The following SCAPER variants were observed in gnomAD, a reference collection of about 807,000 sequenced individuals.
SCAPER encodes S-phase cyclin A associated protein in the ER, also known as S phase cyclin A-associated protein in the endoplasmic reticulum.
Under a neutral mutation model 182.2 loss-of-function variants are expected in SCAPER, and 98 were observed. The observed-to-expected ratio is 0.54, with a 90% confidence interval of 0.46 to 0.64. The LOEUF (loss-of-function observed/expected upper bound fraction) is 0.64, where lower values mean the gene tolerates loss of function less well. SCAPER is among the 30% of genes least tolerant of loss of function. SCAPER has a pLI of 0.00. For missense variants in SCAPER, 1,432 were observed against 1,690.0 expected (o/e 0.85, Z 2.68); for synonymous variants, 605 against 564.6 (o/e 1.07, Z -1.01).
At chr15:76,360,843 T>C (rs1405179506) in intron 29 of SCAPER, among the ~76,000 whole-genome samples, 7 of 152,192 alleles carry the variant, frequency 4.6e-5, no homozygotes, top group African/African-American at 1.4e-4. Context: ...GAGTGAACTG[T>C]TGGAACACAT....
intron 21 of SCAPER, among the ~76,000 whole-genome samples, chr15:76,652,420 G>C (rs1330246622): frequency 4.0e-5 from 4 of 101,198 alleles, no homozygotes; most frequent in African/African-American, 1.6e-4. Flanking sequence ...GGAAGGCTGA[G>C]GCAGGTGGAT....
chr15:76,791,518 C>T lies in SCAPER; in HGVS notation c.772+3762G>A, dbSNP rs181894300. Among the ~76,000 whole-genome samples the T allele has an allele frequency of 1.1e-3, 160 of 152,008 alleles. 3 individuals are homozygous for T. The highest frequency in any genetic ancestry group is 3.8e-3 in the African/African-American group (157 of 41,456). ...AACCAGCATTCCCAGCCAACTGAAA[C>T]AGATATTAGAATTCAGAGAATCTAA... is the stretch of plus-strand genomic sequence containing the variant. On this transcript the variant is annotated intron_variant, in intron 8 of 31. Coordinates refer to ENST00000563290, the MANE Select transcript of SCAPER (RefSeq NM_020843.4).
chr15:76,702,052 A>T (rs1006243899), intron 19 of SCAPER, among the ~76,000 whole-genome samples, 187 bp from the exon 20 acceptor site: 1 of 152,112 alleles, frequency 6.6e-6, no homozygotes, highest in Admixed American at 6.5e-5. Context: ...AAAAAAAAAG[A>T]CTTGGGAGGC....
At chr15:76,645,379 T>C (rs2054459817) in intron 21 of SCAPER, among the ~76,000 whole-genome samples, 1 of 152,216 alleles carries the variant, frequency 6.6e-6, no homozygotes, top group Non-Finnish European at 1.5e-5. Context: ...ATCTCTTTAT[T>C]AGTTACCTAA....
At chr15:76,413,804 C>T (rs980351548) in intron 26 of SCAPER, among the ~76,000 whole-genome samples, 1 of 152,112 alleles carries the variant, frequency 6.6e-6, no homozygotes, top group Admixed American at 6.5e-5. Flanking sequence ...TTCCGTGGGA[C>T]CTGGGGGTAA....
Position 76,574,266 on chromosome 15 carries a change from T to C in SCAPER, c.2730A>G (p.Lys910=). The C allele has an allele frequency of 1.2e-6, 2 of 1,611,728 alleles. No homozygotes were observed. Among genetic ancestry groups the C allele is most frequent in the Non-Finnish European group, 1.7e-6 (2 of 1,178,830 alleles). Residue 910 remains lysine (K), a synonymous_variant, in exon 23 of 32, where the codon AAA becomes AAG. Transcript: ENST00000563290. ...GAACTTGTACTTGTTTTAGAAGATC[T>C]TTGGCTAATCGCTGAAGCCTTTAAT... ...PYKAKLQRLA[K]DLLKQVQVQD...
intron 20 of SCAPER, among the ~76,000 whole-genome samples, chr15:76,701,058 C>A (rs1278644947): frequency 2.7e-5 from 4 of 147,724 alleles, no homozygotes; most frequent in African/African-American, 1.0e-4. Flanking sequence ...CAGCTATATA[C>A]TTGAGATTTA....
At chr15:76,673,016 T>C (rs186444753) in intron 20 of SCAPER, among the ~76,000 whole-genome samples, 135 of 152,264 alleles carry the variant, frequency 8.9e-4, no homozygotes, top group Admixed American at 1.4e-3. Context: ...TGGATTATCA[T>C]CAGCCTTTTT....
At chr15:76,742,106 GC>G (rs2061571442) in intron 15 of SCAPER, among the ~76,000 whole-genome samples, 1 of 152,060 alleles carries the variant, frequency 6.6e-6, no homozygotes, top group African/African-American at 2.4e-5. Flanking sequence ...AGAAAAAGAT[GC>G]CTGATGGTGT....
At chr15:76,629,743 GT>G (rs1276751865) in intron 21 of SCAPER, among the ~76,000 whole-genome samples, 2 of 152,146 alleles carry the variant, frequency 1.3e-5, no homozygotes, top group African/African-American at 4.8e-5. Flanking sequence ...TCTGCGCCAG[GT>G]TTTGGTATCA....
intron 2 of SCAPER, among the ~76,000 whole-genome samples, chr15:76,874,155 A>C (rs978224304): frequency 6.6e-6 from 1 of 152,078 alleles, no homozygotes; most frequent in Non-Finnish European, 1.5e-5. Context: ...CGTCCTCCCA[A>C]ATTGCTGGGA....
At chr15:76,575,864 G>A (rs190844021) in intron 22 of SCAPER, among the ~76,000 whole-genome samples, 2 of 152,330 alleles carry the variant, frequency 1.3e-5, no homozygotes, top group Admixed American at 1.3e-4. Context: ...GAAATATTCT[G>A]TGTTTTTACT....
At chr15:76,680,868 G>T (rs11631394) in intron 20 of SCAPER, among the ~76,000 whole-genome samples, 50,085 of 151,888 alleles carry the variant, frequency 0.33, 8,513 homozygotes, top group East Asian at 0.55. Flanking sequence ...AAATTAACCA[G>T]CCTCAGGTGT....
intron 22 of SCAPER, among the ~76,000 whole-genome samples, chr15:76,604,993 C>T (rs1288746092): frequency 1.3e-5 from 2 of 152,174 alleles, no homozygotes; most frequent in Admixed American, 6.6e-5. Flanking sequence ...TTGACTTCCT[C>T]TTTTCCTAAT....
Position 76,354,402 on chromosome 15 carries a change from G to A in SCAPER, c.3856-262C>T. ...ATAATCCACGATTAAAGGTGTAGCT[G>A]CCACGGAGTAAGGACGCCTATGAAA... On this transcript the variant is annotated intron_variant, in intron 29 of 31. Transcript: ENST00000563290. This position sits in a 1 kb window ranked among gnomAD's most constrained non-coding sequence, Gnocchi z 4.4. The A allele has an allele frequency of 2.7e-6, 1 of 365,728 alleles. No homozygotes were observed. 22.7% of individuals were successfully genotyped at this position (365,728 alleles called of 1,614,324 possible).
At chr15:76,476,779 T>C (rs1282144218) in intron 24 of SCAPER, among the ~76,000 whole-genome samples, 1 of 151,850 alleles carries the variant, frequency 6.6e-6, no homozygotes, top group Non-Finnish European at 1.5e-5. Context: ...TAATGTCTTA[T>C]ACTAAGTTCC....
chr15:76,774,335 C>T, intron 9 of SCAPER: 1 of 358,234 alleles, frequency 2.8e-6, no homozygotes, highest in Non-Finnish European at 5.3e-6. Flanking sequence ...GGTGGAGGAA[C>T]TATATCCAAT....
chr15:76,428,580 T>C (rs910234848), intron 26 of SCAPER, among the ~76,000 whole-genome samples: 10 of 151,700 alleles, frequency 6.6e-5, no homozygotes, highest in African/African-American at 1.5e-4. Flanking sequence ...TAACGAGAAG[T>C]TGAAGTTGGT....
At chr15:76,705,798 A>C in intron 18 of SCAPER, 105 bp downstream of exon 18, 3 of 732,178 alleles carry the variant, frequency 4.1e-6, no homozygotes, top group African/African-American at 1.8e-5. Flanking sequence ...TTGTTGTGCA[A>C]AGATTAAGAA....
Sources: gnomAD v4.1 joint callset for allele counts (sites outside exome capture counted in the v4.1 genomes callset) on GRCh38, gnomAD v4.1.1 for gene constraint, Gnocchi (gnomAD v3.1) non-coding constraint, MANE v1.5 for transcripts, NCBI Gene and HGNC (gene_info 2026-07-23, HGNC 2026-07-21) for gene names.